DAB1: variants seen among roughly 807,000 people sequenced by gnomAD.
The protein encoded by DAB1 is DAB adaptor protein 1.
In DAB1, 15 loss-of-function variants were observed where a neutral mutation model predicts 64.6. The ratio of observed to expected loss-of-function variants is 0.23; its 90% CI spans 0.16 to 0.36. The LOEUF (loss-of-function observed/expected upper bound fraction) is 0.36. Among genes scored for constraint, DAB1 ranks in the 10% least tolerant of loss-of-function variants. DAB1 has a pLI of 1.00. For missense variants in DAB1, 596 were observed against 706.7 expected (o/e 0.84, Z 1.78); for synonymous variants, 235 against 251.9 (o/e 0.93, Z 0.64).
chr1:57,334,862 TG>T (rs1448402586), intron 1 of DAB1, among the ~76,000 whole-genome samples: 1 of 152,202 alleles, frequency 6.6e-6, no homozygotes, highest in Non-Finnish European at 1.5e-5. Flanking sequence ...TAAAGCTTCA[TG>T]AACATCCTAG....
intron 4 of DAB1, among the ~76,000 whole-genome samples, chr1:57,111,776 C>T (rs1271202573): frequency 6.6e-6 from 1 of 152,140 alleles, no homozygotes; most frequent in Non-Finnish European, 1.5e-5. Context: ...CATGACTTTG[C>T]CTGTCTTATT....
chr1:58,492,262 G>A (rs1017350057), intron 3 of DAB1, among the ~76,000 whole-genome samples: 5 of 151,902 alleles, frequency 3.3e-5, no homozygotes, highest in African/African-American at 9.7e-5. Context: ...CACATTCAAA[G>A]CAGTGTGTAG....
At chr1:58,328,327 A>C (rs1193989086) in intron 4 of DAB1, among the ~76,000 whole-genome samples, 2 of 152,230 alleles carry the variant, frequency 1.3e-5, no homozygotes. Context: ...CTGCTTCTCC[A>C]ACCCTACTCC....
chr1:57,391,004 C>T (rs999478341), intron 1 of DAB1, among the ~76,000 whole-genome samples: 1 of 152,154 alleles, frequency 6.6e-6, no homozygotes, highest in Non-Finnish European at 1.5e-5. Flanking sequence ...CCACCTTGCT[C>T]CCAGTGGCCA....
chr1:57,165,249 G>GT (rs1320086019), intron 2 of DAB1, among the ~76,000 whole-genome samples: 4 of 150,862 alleles, frequency 2.7e-5, no homozygotes, highest in African/African-American at 9.7e-5. Context: ...AGAAAAAATA[G>GT]GTTTTTTTTT....
chr1:57,815,648 T>C (rs1351246454), intron 6 of DAB1, among the ~76,000 whole-genome samples: 2 of 151,378 alleles, frequency 1.3e-5, no homozygotes, highest in East Asian at 3.9e-4. Context: ...TATTTTGTTT[T>C]CCTTCCCCCA....
rs778933885 is a variant in DAB1 at position 57,128,159 on chromosome 1, ATAAAT to A, written c.306+8379_306+8383del. On this transcript the variant is annotated intron_variant, in intron 4 of 14. Coordinates refer to ENST00000371236, the MANE Select transcript of DAB1 (RefSeq NM_001365792.1). ...TGAGAGTCTCAAAAAATAAAAATAA[ATAAAT>A]AAATAAATAAATAAATAAATAAATA... Among the ~76,000 whole-genome samples, 283 of 147,694 alleles carry A rather than the reference ATAAAT, an allele frequency of 1.9e-3. 1 individual carries two copies. Among genetic ancestry groups the A allele is most frequent in the Middle Eastern group, 7.0e-3 (2 of 286 alleles).
intron 1 of DAB1, among the ~76,000 whole-genome samples, chr1:58,535,129 T>C (rs4912345): frequency 2.0e-5 from 3 of 152,128 alleles, no homozygotes; most frequent in Non-Finnish European, 4.4e-5. Flanking sequence ...AATTACTGAA[T>C]TCTCAGAACT....
At chr1:58,148,336 C>A (rs929880327) in intron 5 of DAB1, among the ~76,000 whole-genome samples, 1 of 152,144 alleles carries the variant, frequency 6.6e-6, no homozygotes, top group African/African-American at 2.4e-5. Flanking sequence ...GAACACACAC[C>A]ACATCATACT....
chr1:57,214,604 T>G (rs1441499474), intron 2 of DAB1, among the ~76,000 whole-genome samples: 5 of 152,140 alleles, frequency 3.3e-5, no homozygotes, highest in Admixed American at 3.3e-4. Context: ...GCACACTTTC[T>G]GTTTCACCTT....
intron 7 of DAB1, among the ~76,000 whole-genome samples, chr1:57,491,721 T>C (rs960680841): frequency 3.9e-5 from 6 of 152,196 alleles, no homozygotes; most frequent in Non-Finnish European, 7.4e-5. Flanking sequence ...GTGTTTCCAT[T>C]AGTAGAATGA....
intron 6 of DAB1, among the ~76,000 whole-genome samples, chr1:57,716,154 C>T (rs561481346): frequency 6.6e-6 from 1 of 152,116 alleles, no homozygotes; most frequent in African/African-American, 2.4e-5. Context: ...GTGATCCACC[C>T]GCCTTGGCCT....
At chr1:58,340,217 G>A (rs1663218081) in intron 4 of DAB1, among the ~76,000 whole-genome samples, 1 of 152,142 alleles carries the variant, frequency 6.6e-6, no homozygotes, top group Non-Finnish European at 1.5e-5. Flanking sequence ...TGCTATAGCG[G>A]TTTTCTTCCT....
intron 5 of DAB1, among the ~76,000 whole-genome samples, chr1:57,905,230 C>G (rs1228463178): frequency 6.6e-6 from 1 of 151,796 alleles, no homozygotes; most frequent in East Asian, 2.0e-4. Context: ...CATTAAACCC[C>G]TCTGCTCTGC....
At chr1:58,050,369 G>C (rs1240597490) in intron 5 of DAB1, among the ~76,000 whole-genome samples, 1 of 152,074 alleles carries the variant, frequency 6.6e-6, no homozygotes, top group East Asian at 1.9e-4. Context: ...TTCAGTTATG[G>C]TGGGGAGAAC....
intron 6 of DAB1, among the ~76,000 whole-genome samples, chr1:57,799,892 A>G (rs577862910): frequency 1.1e-4 from 17 of 152,192 alleles, no homozygotes; most frequent in Non-Finnish European, 2.2e-4. Flanking sequence ...AGAAATGAGT[A>G]GTGACAACAG....
chr1:58,176,741 A>T (rs1656501684), intron 4 of DAB1, among the ~76,000 whole-genome samples: 1 of 152,150 alleles, frequency 6.6e-6, no homozygotes, highest in African/African-American at 2.4e-5. Context: ...GCACTTTGGG[A>T]GGCCGAGGCA....
At chr1:58,025,255 G>A (rs769319613) in intron 5 of DAB1, among the ~76,000 whole-genome samples, 3 of 151,936 alleles carry the variant, frequency 2.0e-5, no homozygotes, top group Middle Eastern at 3.2e-3. Context: ...AAGTGTTTTC[G>A]TGGTCATTAG....
At chr1:57,400,249 A>C (rs1164597024) in intron 1 of DAB1, among the ~76,000 whole-genome samples, 5 of 152,076 alleles carry the variant, frequency 3.3e-5, no homozygotes, top group African/African-American at 1.2e-4. Flanking sequence ...TGCAGCATTG[A>C]TTTTTCAGGT....
Sources: allele counts gnomAD v4.1 joint callset (sites outside exome capture counted in the v4.1 genomes callset), GRCh38; gene constraint gnomAD v4.1.1; transcripts MANE v1.5; gene names NCBI Gene and HGNC (gene_info 2026-07-23, HGNC 2026-07-21).